Variants in TMC2 observed in about 807,000 individuals in gnomAD.
TMC2 encodes the protein transmembrane channel-like protein 2.
A neutral mutation model predicts 105.9 loss-of-function variants in TMC2; 102 were observed. The observed-to-expected ratio is 0.96, with a 90% CI of 0.82 to 1.14. TMC2 has a LOEUF of 1.14. TMC2 is among the 50% of genes most tolerant of loss of function. The pLI, the probability that TMC2 is intolerant of heterozygous loss-of-function variation, is 0.00. For synonymous variants in TMC2, 402 were observed against 422.8 expected (o/e 0.95, Z 0.60); for missense variants, 1,093 against 1,134.3 (o/e 0.96, Z 0.52).
At chr20:2,639,748 C>T (rs2086675052) in intron 19 of TMC2, among the ~76,000 whole-genome samples, 1 of 152,080 alleles carries the variant, frequency 6.6e-6, no homozygotes, top group Non-Finnish European at 1.5e-5. Context: ...TATTGCTCCT[C>T]GGCCTTTTGG....
At chr20:2,584,443 CAA>C (rs1161913633) in intron 7 of TMC2, among the ~76,000 whole-genome samples, 3 of 70,138 alleles carry the variant, frequency 4.3e-5, no homozygotes, top group Admixed American at 1.7e-4. Context: ...GACTCCGTCT[CAA>C]AAAAAAAAAA....
chr20:2,559,231 G>A (rs2086008173), intron 3 of TMC2, among the ~76,000 whole-genome samples: 1 of 152,212 alleles, frequency 6.6e-6, no homozygotes, highest in African/African-American at 2.4e-5. Flanking sequence ...TCCGGCTTCC[G>A]GATCTGGGCC....
rs545528304 is a variant in TMC2, at chr20:2,636,884, T to A, written c.2386-590T>A. ...CCTTGGTCTCCCAAAGTGCTGGGAT[T>A]ATAGGCGTGAGCCACCGTGCCCAGC... On this transcript the variant is annotated intron_variant, in intron 18 of 19. Coordinates refer to ENST00000358864, the MANE Select transcript of TMC2 (RefSeq NM_080751.3). Among the ~76,000 whole-genome samples the A allele has an allele frequency of 6.4e-4, 97 of 152,240 alleles. 1 individual carries two copies. Among genetic ancestry groups the A allele is most frequent in the African/African-American group, 2.2e-3 (90 of 41,568 alleles).
intron 3 of TMC2, among the ~76,000 whole-genome samples, chr20:2,559,388 A>G (rs2086009575): frequency 6.6e-6 from 1 of 152,174 alleles, no homozygotes; most frequent in South Asian, 2.1e-4. Context: ...GGGTTAGTGG[A>G]CAGGGCCAGC....
chr20:2,545,772 A>T (rs10460654), intron 2 of TMC2, among the ~76,000 whole-genome samples: 2 of 151,552 alleles, frequency 1.3e-5, no homozygotes, highest in Non-Finnish European at 2.9e-5. Context: ...AGGAAGAAGA[A>T]GATGAAGAAG....
At chr20:2,575,381 C>G (rs2086136656) in intron 5 of TMC2, among the ~76,000 whole-genome samples, 1 of 152,160 alleles carries the variant, frequency 6.6e-6, no homozygotes, top group African/African-American at 2.4e-5. Context: ...CAATCTATAG[C>G]AACTCACACT....
rs1021480616 is a variant in TMC2 at position 2,557,688 on chromosome 20, G to A, written c.83-768G>A. ...TGGAATTACAGACATGCACCACCACGCCCAGCTAATTTTTGTATTTTTAGT... is the reference window on the plus strand; with the variant it reads ...TGGAATTACAGACATGCACCACCACACCCAGCTAATTTTTGTATTTTTAGT... On this transcript the variant is annotated intron_variant, in intron 2 of 19. Transcript: ENST00000358864. Among the ~76,000 whole-genome samples the A allele has an allele frequency of 2.6e-5, 4 of 152,174 alleles. No individual in the cohort carries two copies. In the East Asian group the frequency reaches 5.8e-4, roughly 22 times the overall value.
At chr20:2,572,979 G>C (rs529074643) in intron 5 of TMC2, among the ~76,000 whole-genome samples, 1 of 151,352 alleles carries the variant, frequency 6.6e-6, no homozygotes, top group African/African-American at 2.4e-5. Flanking sequence ...GGAGTGCAGC[G>C]TCACCACTCC....
intron 13 of TMC2, among the ~76,000 whole-genome samples, chr20:2,612,934 T>G (rs2086452189): frequency 6.6e-6 from 1 of 152,226 alleles, no homozygotes; most frequent in East Asian, 1.9e-4. Context: ...AATAGCCTTT[T>G]GAGATTGATA....
intron 11 of TMC2, among the ~76,000 whole-genome samples, chr20:2,607,010 T>C (rs962950626): frequency 7.9e-5 from 12 of 151,786 alleles, no homozygotes; most frequent in African/African-American, 2.4e-4. Context: ...TGTTTTTGAA[T>C]ACTCATTATA....
chr20:2,616,213 T>C lies in TMC2; in HGVS notation c.1940+9T>C. On this transcript the variant is annotated intron_variant, in intron 15 of 19. Transcript: ENST00000358864. This position sits in a 1 kb window ranked among gnomAD's most constrained non-coding sequence, Gnocchi z 4.8. ...AACCAAGGAATGATCTGGTGAGTTA[T>C]CCATTTCATCTGGTGATCGCCTCAT... The C allele has an allele frequency of 6.2e-7, 1 of 1,609,196 alleles. No homozygotes were observed.
Position 2,561,998 on chromosome 20 carries a change from T to A in TMC2, c.542T>A (p.Leu181Gln), listed in dbSNP as rs116835716. The A allele has an allele frequency of 7.4e-4, 1,189 of 1,613,988 alleles. 10 individuals are homozygous for A. In the African/African-American group the frequency reaches 0.014, roughly 20 times the overall value. The change falls in exon 4 of 20, where the codon CTG becomes CAG. Residue 181 changes from leucine (L) to glutamine (Q), a missense_variant. Coordinates refer to ENST00000358864, the MANE Select transcript of TMC2 (RefSeq NM_080751.3). ...RSKPWPMAKK[L>Q]TELREAQEFV... is the part of the protein sequence containing the mutation. ...AAGCCCTGGCCCATGGCGAAGAAGCTGACAGAGCTCAGGTGAGCAGGCTGC... is the reference window on the plus strand; with the variant it reads ...AAGCCCTGGCCCATGGCGAAGAAGCAGACAGAGCTCAGGTGAGCAGGCTGC...
intron 10 of TMC2, 122 bp downstream of exon 10, chr20:2,597,420 C>T: frequency 9.8e-7 from 1 of 1,016,952 alleles, no homozygotes; most frequent in Non-Finnish European, 1.4e-6. Context: ...AAGAGCCTTC[C>T]CAGAAATGTG....
Position 2,562,024 on chromosome 20 carries a change from G to T in TMC2, c.554+14G>T. On this transcript the variant is annotated intron_variant, in intron 4 of 19. Transcript: ENST00000358864. ...GACAGAGCTCAGGTGAGCAGGCTGCGGGTCAGCCAGGGCCTTCCGATGTCC... is the reference window on the plus strand; with the variant it reads ...GACAGAGCTCAGGTGAGCAGGCTGCTGGTCAGCCAGGGCCTTCCGATGTCC... 6.2e-7 allele frequency: 1 copy of T among 1,610,440 alleles called. No individual in the cohort carries two copies. The highest frequency in any genetic ancestry group is 8.5e-7 in the Non-Finnish European group (1 of 1,178,304).
At chr20:2,579,896 G>A (rs2086176070) in intron 6 of TMC2, 54 bp from the exon 7 acceptor site, 1 of 1,137,590 alleles carries the variant, frequency 8.8e-7, no homozygotes, top group East Asian at 2.4e-5. Context: ...GTGCTCAATA[G>A]TGTCCATTTT....
At chr20:2,636,860 C>G (rs916776303) in intron 18 of TMC2, among the ~76,000 whole-genome samples, 8 of 152,126 alleles carry the variant, frequency 5.3e-5, no homozygotes, top group Non-Finnish European at 1.2e-4. Flanking sequence ...ATCCGCCTGC[C>G]TTGGTCTCCC....
chr20:2,572,303 G>A (rs770903216), intron 5 of TMC2, 34 bp downstream of exon 5: 14 of 1,546,056 alleles, frequency 9.1e-6, no homozygotes, highest in Non-Finnish European at 1.2e-5. Context: ...TCTGTTGGGA[G>A]GGCTTGCTCA....
intron 16 of TMC2, 133 bp from the exon 17 acceptor site, chr20:2,624,138 A>G (rs550181417): frequency 3.0e-6 from 3 of 1,013,216 alleles, no homozygotes; most frequent in African/African-American, 3.2e-5. Context: ...GTTCATTTGG[A>G]GCAGAGCTCT....
At chr20:2,567,390 A>G (rs922885282) in intron 4 of TMC2, among the ~76,000 whole-genome samples, 1 of 152,190 alleles carries the variant, frequency 6.6e-6, no homozygotes, top group Non-Finnish European at 1.5e-5. Context: ...ATAAGATTTA[A>G]ATAATACCTA....
Sources: allele counts gnomAD v4.1 joint callset (sites outside exome capture counted in the v4.1 genomes callset), GRCh38; gene constraint gnomAD v4.1.1; non-coding constraint Gnocchi (gnomAD v3.1); transcripts MANE v1.5; gene names NCBI Gene and HGNC (gene_info 2026-07-23, HGNC 2026-07-21).